The following AGMO variants were observed in gnomAD, a reference collection of about 807,000 sequenced individuals.
AGMO encodes glyceryl-ether monooxygenase.
A neutral mutation model predicts 60.2 loss-of-function variants in AGMO; 75 were observed. That is an observed-to-expected ratio of 1.25 (90% CI 1.03 to 1.51). The LOEUF is 1.51. AGMO is among the 40% of genes most tolerant of loss of function. The pLI is 0.00. For synonymous variants in AGMO, 261 were observed against 177.1 expected, an observed-to-expected ratio of 1.47 and a Z score of -3.76; for missense variants, 763 against 525.5, an observed-to-expected ratio of 1.45 and a Z score of -4.42.
Position 15,404,476 on chromosome 7 carries a change from G to T in AGMO, c.610-10297C>A, listed in dbSNP as rs28483099. On this transcript the variant is annotated intron_variant, in intron 5 of 12. Transcript: ENST00000342526. ...TTATTTTGTTATTTTTAAACAACAC[G>T]GAGTAGATTTACAGAAGAAAAACTG... 2.6e-5 allele frequency among the ~76,000 whole-genome samples: 4 copies of T among 151,814 alleles called. No individual in the cohort carries two copies. In the South Asian group the frequency reaches 8.3e-4, roughly 31 times the overall value.
At chr7:15,381,462 A>C (rs1185006990) in intron 10 of AGMO, among the ~76,000 whole-genome samples, 1 of 152,190 alleles carries the variant, frequency 6.6e-6, no homozygotes, top group Non-Finnish European at 1.5e-5. Context: ...AATGCAAATC[A>C]AAACCACAAT....
chr7:15,208,493 G>A (rs1475995187), intron 12 of AGMO, among the ~76,000 whole-genome samples: 1 of 152,148 alleles, frequency 6.6e-6, no homozygotes, highest in Non-Finnish European at 1.5e-5. Flanking sequence ...AGAATGGTCT[G>A]TTTTAGTTTT....
intron 10 of AGMO, among the ~76,000 whole-genome samples, chr7:15,377,258 C>T (rs1783492708): frequency 6.6e-6 from 1 of 152,034 alleles, no homozygotes; most frequent in African/African-American, 2.4e-5. Flanking sequence ...GGGAAACAAG[C>T]AAATACAACT....
chr7:15,247,460 A>AGAGAGAGAGAGG (rs1491276941), intron 12 of AGMO, among the ~76,000 whole-genome samples: 41 of 95,942 alleles, frequency 4.3e-4, no homozygotes, highest in Non-Finnish European at 7.3e-4. Context: ...ACACACACAC[A>AGAGAGAGAGAGG]GAGAGAGAGA....
chr7:15,530,816 T>TACATTTCTATATATATTCTATATAG (rs1562556208), intron 3 of AGMO, among the ~76,000 whole-genome samples: 6 of 102,742 alleles, frequency 5.8e-5, no homozygotes, highest in South Asian at 2.8e-4. Context: ...ATTCTATATA[T>TACATTTCTATATATATTCTATATAG]ACATTTCTAT....
intron 5 of AGMO, among the ~76,000 whole-genome samples, chr7:15,394,512 G>A (rs1385351502): frequency 6.6e-6 from 1 of 152,096 alleles, no homozygotes. Context: ...TCTTTAAAAT[G>A]GAAATAGTAA....
At chr7:15,314,141 G>C (rs1780845674) in intron 12 of AGMO, among the ~76,000 whole-genome samples, 1 of 152,022 alleles carries the variant, frequency 6.6e-6, no homozygotes, top group Admixed American at 6.6e-5. Context: ...ATATAGCATG[G>C]ATAAGTTGGA....
intron 3 of AGMO, among the ~76,000 whole-genome samples, chr7:15,474,569 C>T (rs1174836138): frequency 5.9e-5 from 9 of 151,946 alleles, no homozygotes; most frequent in African/African-American, 9.7e-5. Context: ...AAGACTTAAA[C>T]GTAAAACCCA....
chr7:15,314,883 T>A (rs1198894146), intron 12 of AGMO, among the ~76,000 whole-genome samples: 1 of 152,062 alleles, frequency 6.6e-6, no homozygotes, highest in African/African-American at 2.4e-5. Flanking sequence ...AAAAAAGATG[T>A]GACATAAGGG....
At chr7:15,307,402 G>T (rs1308813636) in intron 12 of AGMO, among the ~76,000 whole-genome samples, 1 of 151,956 alleles carries the variant, frequency 6.6e-6, no homozygotes, top group African/African-American at 2.4e-5. Flanking sequence ...AAGTGACAGT[G>T]CCAGTGGTGA....
intron 12 of AGMO, among the ~76,000 whole-genome samples, chr7:15,318,005 C>T (rs1309560258): frequency 6.2e-5 from 8 of 128,554 alleles, no homozygotes; most frequent in Non-Finnish European, 1.0e-4. Flanking sequence ...TATATATATA[C>T]ATATATTTTT....
At chr7:15,310,142 T>C (rs1008656497) in intron 12 of AGMO, among the ~76,000 whole-genome samples, 2 of 152,294 alleles carry the variant, frequency 1.3e-5, no homozygotes, top group Admixed American at 1.3e-4. Flanking sequence ...GCTGACGAAC[T>C]TGGCACACTT....
At chr7:15,181,387 T>C in the AGMO span, among the ~76,000 whole-genome samples, 6 of 152,188 alleles carry the variant, frequency 3.9e-5, no homozygotes, top group Non-Finnish European at 8.8e-5. Flanking sequence ...TACTTCCTCC[T>C]GAGCTAGAGC....
chr7:15,556,769 A>G (rs561182702), intron 2 of AGMO, among the ~76,000 whole-genome samples: 2 of 152,232 alleles, frequency 1.3e-5, no homozygotes, highest in South Asian at 2.1e-4. Flanking sequence ...ATTTTTTTAC[A>G]GTCACATATG....
chr7:15,299,830 TACACAC>T (rs756832586), intron 12 of AGMO, among the ~76,000 whole-genome samples: 3,957 of 47,764 alleles, frequency 0.083, 95 homozygotes, highest in East Asian at 0.17. Context: ...TCTGTCTACA[TACACAC>T]ACACACACAC....
intron 12 of AGMO, among the ~76,000 whole-genome samples, chr7:15,244,558 A>G (rs898583018): frequency 4.6e-5 from 7 of 152,222 alleles, no homozygotes; most frequent in African/African-American, 1.7e-4. Flanking sequence ...ATAATGGTGT[A>G]CTATAAACAG....
chr7:15,276,122 C>T (rs1234557690), intron 12 of AGMO, among the ~76,000 whole-genome samples: 1 of 152,146 alleles, frequency 6.6e-6, no homozygotes. Flanking sequence ...TCTATAGGAT[C>T]TGTGAGCTTT....
chr7:15,171,074 G>A, the AGMO span, among the ~76,000 whole-genome samples: 4 of 151,860 alleles, frequency 2.6e-5, no homozygotes, highest in East Asian at 1.9e-4. Context: ...CTCCCAGGAC[G>A]GAGCTCACAC....
chr7:15,294,358 A>G (rs1026101667), intron 12 of AGMO, among the ~76,000 whole-genome samples: 2 of 152,074 alleles, frequency 1.3e-5, no homozygotes, highest in Admixed American at 6.6e-5. Context: ...AAGTACAATG[A>G]AAGACATGAA....
Sources: allele counts gnomAD v4.1 joint callset (sites outside exome capture counted in the v4.1 genomes callset), GRCh38; gene constraint gnomAD v4.1.1; transcripts MANE v1.5; gene names NCBI Gene and HGNC (gene_info 2026-07-23, HGNC 2026-07-21).